MAP7: variants seen among roughly 807,000 people sequenced by gnomAD.
MAP7 encodes the protein microtubule associated protein 7.
A neutral mutation model predicts 94.8 loss-of-function variants in MAP7; 52 were observed. The ratio of observed to expected loss-of-function variants is 0.55; its 90% confidence interval spans 0.44 to 0.69. The LOEUF (loss-of-function observed/expected upper bound fraction) is 0.69. Among genes scored for constraint, MAP7 ranks in the 30% least tolerant of loss-of-function variants. The pLI is 0.00. For synonymous variants in MAP7, 350 were observed against 357.0 expected, an observed-to-expected ratio of 0.98 and a Z score of 0.22; for missense variants, 940 against 964.6, an observed-to-expected ratio of 0.97 and a Z score of 0.34.
intron 5 of MAP7, among the ~76,000 whole-genome samples, chr6:136,384,905 G>A (rs1778784409): frequency 6.6e-6 from 1 of 152,196 alleles, no homozygotes; most frequent in African/African-American, 2.4e-5. Flanking sequence ...GATAAACGGT[G>A]TTCCTCAAAT....
intron 1 of MAP7, among the ~76,000 whole-genome samples, chr6:136,491,386 C>T (rs1049126424): frequency 6.6e-6 from 1 of 152,168 alleles, no homozygotes; most frequent in Non-Finnish European, 1.5e-5. Flanking sequence ...TGACAACCAG[C>T]AAGCCTCTTC....
intron 1 of MAP7, among the ~76,000 whole-genome samples, chr6:136,505,455 A>G (rs1821248378): frequency 6.6e-6 from 1 of 151,526 alleles, no homozygotes; most frequent in Non-Finnish European, 1.5e-5. Flanking sequence ...ATGTAAAAGT[A>G]CTGTTTGCCT....
intron 3 of MAP7, among the ~76,000 whole-genome samples, chr6:136,411,218 T>C (rs1787337971): frequency 1.3e-5 from 2 of 152,234 alleles, no homozygotes; most frequent in African/African-American, 4.8e-5. Context: ...GGCAGCAGCC[T>C]GGTAGCACCT....
At chr6:136,431,149 T>C (rs561177232) in intron 1 of MAP7, among the ~76,000 whole-genome samples, 1 of 152,358 alleles carries the variant, frequency 6.6e-6, no homozygotes, top group East Asian at 1.9e-4. Flanking sequence ...CTCAAGTCCC[T>C]TTCCCATGAA....
At chr6:136,538,277 T>C (rs78902324) in intron 1 of MAP7, among the ~76,000 whole-genome samples, 3,303 of 152,330 alleles carry the variant, frequency 0.022, 63 homozygotes, top group Middle Eastern at 0.044. Flanking sequence ...ATTTCATGTA[T>C]GTACTTTGCT....
At chr6:136,362,317 T>G (rs543010097) in intron 11 of MAP7, 133 bp downstream of exon 11, 1 of 1,182,292 alleles carries the variant, frequency 8.5e-7, no homozygotes, top group East Asian at 2.4e-5. Flanking sequence ...ATAGGAAAAT[T>G]AGGTAAGAGT....
intron 10 of MAP7, among the ~76,000 whole-genome samples, chr6:136,365,353 G>C (rs1793990766): frequency 6.6e-6 from 1 of 152,146 alleles, no homozygotes; most frequent in East Asian, 1.9e-4. Flanking sequence ...TTTTCAACTA[G>C]AGATATTGAA....
chr6:136,407,414 G>A (rs1349210262), intron 3 of MAP7, among the ~76,000 whole-genome samples: 1 of 152,172 alleles, frequency 6.6e-6, no homozygotes, highest in Non-Finnish European at 1.5e-5. Context: ...TTTCTAAAAG[G>A]AGATTTTCTA....
intron 2 of MAP7, among the ~76,000 whole-genome samples, chr6:136,414,218 A>G: frequency 8.1e-6 from 1 of 123,590 alleles, no homozygotes; most frequent in Non-Finnish European, 1.6e-5. Flanking sequence ...GCGCCACTGC[A>G]CTCCAGCCTG....
chr6:136,414,749 C>T (rs1034966183), intron 2 of MAP7, among the ~76,000 whole-genome samples: 9 of 151,928 alleles, frequency 5.9e-5, no homozygotes, highest in African/African-American at 2.2e-4. Flanking sequence ...TCAAGCCATC[C>T]TCTTACCTCA....
intron 7 of MAP7, among the ~76,000 whole-genome samples, chr6:136,376,006 G>A (rs1386477163): frequency 1.3e-5 from 2 of 152,198 alleles, no homozygotes; most frequent in African/African-American, 4.8e-5. Context: ...TTTCCCAGCT[G>A]TGAGGCAGTC....
intron 3 of MAP7, among the ~76,000 whole-genome samples, chr6:136,399,511 T>C (rs902656864): frequency 4.1e-5 from 6 of 146,216 alleles, no homozygotes; most frequent in Non-Finnish European, 7.6e-5. Flanking sequence ...GTCTGGCTCG[T>C]TTTTTTTTTT....
intron 3 of MAP7, among the ~76,000 whole-genome samples, chr6:136,389,855 CT>C (rs568773769): frequency 2.6e-5 from 4 of 151,986 alleles, no homozygotes; most frequent in African/African-American, 9.7e-5. Context: ...CCATCTGTCT[CT>C]TTTTTTTATT....
At chr6:136,508,325 CA>C (rs1173130369) in intron 1 of MAP7, among the ~76,000 whole-genome samples, 11 of 142,900 alleles carry the variant, frequency 7.7e-5, no homozygotes, top group Non-Finnish European at 1.2e-4. Flanking sequence ...GACACTGTCT[CA>C]AAAAAAAAAG....
intron 10 of MAP7, among the ~76,000 whole-genome samples, chr6:136,363,522 C>T (rs1793440336): frequency 6.6e-6 from 1 of 152,204 alleles, no homozygotes; most frequent in African/African-American, 2.4e-5. Context: ...TTCCTTTTTC[C>T]ATGGAAACAA....
chr6:136,526,205 C>T, intron 1 of MAP7: 1 of 1,237,680 alleles, frequency 8.1e-7, no homozygotes, highest in Non-Finnish European at 1.0e-6. Context: ...CTACCAGCCC[C>T]CTCCCACTGA....
intron 2 of MAP7, chr6:136,420,350 G>T: frequency 1.6e-6 from 1 of 641,696 alleles, no homozygotes; most frequent in Non-Finnish European, 2.8e-6. Context: ...GCCCAGCCCG[G>T]CCGCGAAGTG....
intron 1 of MAP7, among the ~76,000 whole-genome samples, chr6:136,491,674 G>A (rs1816655894): frequency 6.6e-6 from 1 of 152,138 alleles, no homozygotes. Context: ...TTTTTATAAT[G>A]TGAGTCTAAC....
At chr6:136,373,581 G>C (rs1408501737) in intron 7 of MAP7, among the ~76,000 whole-genome samples, 1 of 152,050 alleles carries the variant, frequency 6.6e-6, no homozygotes, top group Non-Finnish European at 1.5e-5. Flanking sequence ...CACTGCATAG[G>C]TATCAAAAGT....
Sources: allele counts gnomAD v4.1 joint callset (sites outside exome capture counted in the v4.1 genomes callset), GRCh38; gene constraint gnomAD v4.1.1; transcripts MANE v1.5; gene names NCBI Gene and HGNC (gene_info 2026-07-23, HGNC 2026-07-21).